Variants in CACNA2D3 observed in about 807,000 individuals in gnomAD.
The protein encoded by CACNA2D3 is voltage-dependent calcium channel subunit alpha-2/delta-3.
A neutral mutation model predicts 160.6 loss-of-function variants in CACNA2D3; 60 were observed. The ratio of observed to expected loss-of-function variants is 0.37; its 90% confidence interval spans 0.30 to 0.46. The LOEUF (loss-of-function observed/expected upper bound fraction) is 0.46. Among genes scored for constraint, CACNA2D3 ranks in the 20% least tolerant of loss-of-function variants. The pLI is 1.00. For missense variants in CACNA2D3, 1,205 were observed against 1,365.0 expected (o/e 0.88, Z 1.85); for synonymous variants, 558 against 492.9 (o/e 1.13, Z -1.75).
intron 14 of CACNA2D3, among the ~76,000 whole-genome samples, chr3:54,821,506 A>G (rs1010860373): frequency 6.6e-6 from 1 of 152,168 alleles, no homozygotes; most frequent in South Asian, 2.1e-4. Context: ...TCTCTTTTTC[A>G]GAATGGAACT....
chr3:54,561,696 A>C (rs1306810526), intron 5 of CACNA2D3, among the ~76,000 whole-genome samples: 1 of 152,220 alleles, frequency 6.6e-6, no homozygotes, highest in Non-Finnish European at 1.5e-5. Context: ...GGTGAGGAAA[A>C]GAGATTTGCT....
intron 13 of CACNA2D3, among the ~76,000 whole-genome samples, chr3:54,814,995 T>C (rs1703415030): frequency 1.3e-5 from 2 of 152,234 alleles, no homozygotes; most frequent in African/African-American, 4.8e-5. Context: ...AAAATATACA[T>C]TTTTCATTCC....
In CACNA2D3 at chr3:54,446,987, G is replaced by A. The variant is rs775916465; in HGVS notation, c.382-56505G>A. Among the ~76,000 whole-genome samples, 34 of 152,296 alleles carry A rather than the reference G, an allele frequency of 2.2e-4. 1 individual carries two copies. Among genetic ancestry groups the A allele is most frequent in the Admixed American group, 5.9e-4 (9 of 15,290 alleles). On this transcript the variant is annotated intron_variant, in intron 4 of 37. Coordinates refer to ENST00000474759, the MANE Select transcript of CACNA2D3 (RefSeq NM_018398.3). ...CGGAGGCGGGTATCCTAGAAGGAGC[G>A]TTTTTTAAGTGAGGCATTGACATCT... is the stretch of plus-strand genomic sequence containing the variant.
intron 2 of CACNA2D3, among the ~76,000 whole-genome samples, chr3:54,160,989 A>G (rs1700333535): frequency 6.6e-6 from 1 of 152,218 alleles, no homozygotes; most frequent in Non-Finnish European, 1.5e-5. Context: ...GTGGGGAGGC[A>G]GCCAGGTGCC....
At chr3:54,192,368 C>T (rs770133712) in intron 2 of CACNA2D3, among the ~76,000 whole-genome samples, 4 of 152,282 alleles carry the variant, frequency 2.6e-5, no homozygotes, top group South Asian at 4.1e-4. Context: ...TATTGAGTTT[C>T]ACCATGCAAC....
chr3:54,928,216 GATGAGCCGCGTAAA>G, intron 27 of CACNA2D3: 1 of 423,124 alleles, frequency 2.4e-6, no homozygotes, highest in East Asian at 3.8e-5. Context: ...CCATTCAGAC[GATGAGCCGCGTAAA>G]GAATGTTTGT....
chr3:54,481,604 T>C (rs7373390), intron 4 of CACNA2D3, among the ~76,000 whole-genome samples: 60,423 of 152,076 alleles, frequency 0.4, 12,514 homozygotes, highest in Middle Eastern at 0.49. Context: ...TTCCAAAAAG[T>C]GTACACGGCC....
At chr3:54,601,895 A>AC (rs1468408887) in intron 9 of CACNA2D3, among the ~76,000 whole-genome samples, 12 of 152,080 alleles carry the variant, frequency 7.9e-5, no homozygotes, top group Non-Finnish European at 1.6e-4. Context: ...AATAGCTAGC[A>AC]CATCAAACTA....
chr3:54,871,579 G>C lies in CACNA2D3; in HGVS notation c.1667G>C (p.Ser556Thr). The change falls in exon 18 of 38, where the codon AGC becomes ACC. Residue 556 changes from serine (S) to threonine (T), a missense_variant. By Grantham distance (58) the Ser-to-Thr change is moderately conservative. Transcript: ENST00000474759. The stretch of plus-strand genomic sequence containing the variant: ...AAGCGAAGGAAACCTAACTATAGTA[G>C]CGTTGACCTCTCTGAGGTGGAGTGG... Reference protein sequence around the residue: ...GKKRRKPNYSSVDLSEVEWED... With the variant: ...GKKRRKPNYSTVDLSEVEWED... The C allele has an allele frequency of 6.2e-7, 1 of 1,613,738 alleles. No individual in the cohort carries two copies. The highest frequency in any genetic ancestry group is 8.5e-7 in the Non-Finnish European group (1 of 1,179,688).
At chr3:54,509,227 A>G (rs889284312) in intron 5 of CACNA2D3, among the ~76,000 whole-genome samples, 7 of 152,220 alleles carry the variant, frequency 4.6e-5, no homozygotes, top group Non-Finnish European at 1.0e-4. Context: ...CACAAACCTT[A>G]TAAAAAGCTG....
chr3:54,649,751 A>G (rs927191809), intron 11 of CACNA2D3, among the ~76,000 whole-genome samples: 1 of 152,216 alleles, frequency 6.6e-6, no homozygotes. Flanking sequence ...CAAAGGCCCC[A>G]ACTCCTAATA....
rs9311543 is a variant in CACNA2D3, at chr3:54,883,799, A to ATCTCTCTC, written c.1913-1465_1913-1458dup. On this transcript the variant is annotated intron_variant, in intron 21 of 37. Transcript: ENST00000474759. ...TCCTGACCTCCATAGTTACAATGGA[A>ATCTCTCTC]TCTCTCTCTCTCTCTCTCTCTCTCC... 8.1e-3 allele frequency among the ~76,000 whole-genome samples: 873 copies of ATCTCTCTC among 107,474 alleles called. 25 individuals are homozygous for ATCTCTCTC. Among genetic ancestry groups the ATCTCTCTC allele is most frequent in the African/African-American group, 0.028 (821 of 28,954 alleles). 70.5% of individuals were successfully genotyped at this position (107,474 alleles called of 152,430 possible). A position where few individuals can be genotyped will look rare whatever the true frequency, so the allele number is the denominator to read the frequency against.
chr3:55,055,050 C>T (rs567975923), intron 35 of CACNA2D3, among the ~76,000 whole-genome samples: 1 of 152,054 alleles, frequency 6.6e-6, no homozygotes, highest in South Asian at 2.1e-4. Context: ...TGAATTTTAA[C>T]TTTTAGAGTT....
chr3:55,040,149 T>C (rs1489417687), intron 35 of CACNA2D3, among the ~76,000 whole-genome samples: 1 of 152,116 alleles, frequency 6.6e-6, no homozygotes, highest in African/African-American at 2.4e-5. Context: ...CAGGTTCGTC[T>C]CTGGTTTCTT....
chr3:54,614,449 G>A lies in CACNA2D3; in HGVS notation c.964-13338G>A, dbSNP rs576841671. Among the ~76,000 whole-genome samples, 37 of 152,314 alleles carry A rather than the reference G, an allele frequency of 2.4e-4. No individual in the cohort carries two copies. The South Asian group carries it at 7.7e-3, about 32-fold the overall frequency. On this transcript the variant is annotated intron_variant, in intron 9 of 37. Transcript: ENST00000474759. Reference sequence around the variant, plus strand: ...AGGGTCTAGCAAGTGCTTCCCCACTGTATTTACTTGTCACTTTGCCTGTCA... The same window carrying A: ...AGGGTCTAGCAAGTGCTTCCCCACTATATTTACTTGTCACTTTGCCTGTCA...
chr3:54,126,569 C>T (rs553099435), intron 2 of CACNA2D3, among the ~76,000 whole-genome samples: 1 of 152,144 alleles, frequency 6.6e-6, no homozygotes, highest in Non-Finnish European at 1.5e-5. Context: ...GAATAGCAAC[C>T]TGTTAGGTCC....
chr3:54,221,015 G>A (rs1701557910), intron 2 of CACNA2D3, among the ~76,000 whole-genome samples: 1 of 152,184 alleles, frequency 6.6e-6, no homozygotes, highest in African/African-American at 2.4e-5. Flanking sequence ...GGCTGGAGGT[G>A]AGGAAGAATT....
intron 8 of CACNA2D3, 73 bp downstream of exon 8, chr3:54,570,177 C>A: frequency 6.9e-7 from 1 of 1,455,942 alleles, no homozygotes; most frequent in Non-Finnish European, 9.5e-7. Flanking sequence ...GTTAACATTG[C>A]TCTCGCTGTT....
chr3:54,467,114 A>G (rs1244201318), intron 4 of CACNA2D3, among the ~76,000 whole-genome samples: 1 of 151,602 alleles, frequency 6.6e-6, no homozygotes, highest in Non-Finnish European at 1.5e-5. Flanking sequence ...AAACAACAAT[A>G]GGGGTCCTGG....
Sources: allele counts gnomAD v4.1 joint callset (sites outside exome capture counted in the v4.1 genomes callset), GRCh38; gene constraint gnomAD v4.1.1; transcripts MANE v1.5; gene names NCBI Gene and HGNC (gene_info 2026-07-23, HGNC 2026-07-21).